The following EML4 variants were observed in gnomAD, a reference collection of about 807,000 sequenced individuals.
EML4 encodes the protein EMAP like 4, also known as echinoderm microtubule-associated protein-like 4.
Under a neutral mutation model 129.0 loss-of-function variants are expected in EML4, and 72 were observed. The observed-to-expected ratio is 0.56, with a 90% CI of 0.46 to 0.68. The LOEUF is 0.68. Among genes scored for constraint, EML4 ranks in the 30% least tolerant of loss-of-function variants. The probability of loss-of-function intolerance (pLI) is 0.00; values close to 1 mark genes in which losing one functional copy is unlikely to be tolerated. For synonymous variants in EML4, 532 were observed against 405.0 expected (o/e 1.31, Z -3.77); for missense variants, 1,363 against 1,190.6 (o/e 1.14, Z -2.13).
In EML4 at chr2:42,245,534, G is replaced by T; in HGVS notation, c.55G>T (p.Asp19Tyr). ...DDSISAASTS[D>Y]VQDRLSALES... ...TAGTATTTCTGCTGCAAGTACTTCT[G>T]ATGTTCAAGATCGCCTGTCAGCTCT... Residue 19 changes from aspartate (D) to tyrosine (Y), a missense_variant, in exon 2 of 23, where the codon GAT becomes TAT. Asp to Tyr is a radical substitution (Grantham distance 160, BLOSUM62 -3). Transcript: ENST00000318522. The T allele has an allele frequency of 6.2e-7, 1 of 1,613,384 alleles. No homozygotes were observed. Among genetic ancestry groups the T allele is most frequent in the Non-Finnish European group, 8.5e-7 (1 of 1,179,608 alleles).
At chr2:42,192,514 A>G (rs1165400382) in intron 1 of EML4, among the ~76,000 whole-genome samples, 2 of 152,100 alleles carry the variant, frequency 1.3e-5, no homozygotes, top group Admixed American at 6.5e-5. Flanking sequence ...TACTGGGATT[A>G]CAGGCATCAG....
intron 13 of EML4, among the ~76,000 whole-genome samples, chr2:42,298,273 T>G (rs1285816927): frequency 6.6e-6 from 1 of 152,208 alleles, no homozygotes; most frequent in Non-Finnish European, 1.5e-5. Flanking sequence ...ACATCTTTAT[T>G]TGGCAGGCAG....
At chr2:42,212,490 C>T (rs1415561622) in intron 1 of EML4, among the ~76,000 whole-genome samples, 1 of 151,374 alleles carries the variant, frequency 6.6e-6, no homozygotes, top group Non-Finnish European at 1.5e-5. Flanking sequence ...TTTTTTTTAG[C>T]AATACATGTT....
chr2:42,246,446 T>C (rs939237153), intron 2 of EML4, among the ~76,000 whole-genome samples: 26 of 152,330 alleles, frequency 1.7e-4, no homozygotes, highest in Middle Eastern at 6.8e-3. Context: ...GCCTTCCTAC[T>C]TCGATGTCAA....
Position 42,245,657 on chromosome 2 carries a change from G to A in EML4, c.178G>A (p.Ala60Thr), listed in dbSNP as rs754703198. 2.5e-6 allele frequency: 4 copies of A among 1,610,972 alleles called. No homozygotes were observed. The highest frequency in any genetic ancestry group is 3.4e-6 in the Non-Finnish European group (4 of 1,178,540). Residue 60 changes from alanine to threonine, a missense_variant, in exon 2 of 23, where the codon GCC (alanine) becomes ACC (threonine). Coordinates refer to ENST00000318522, the MANE Select transcript of EML4 (RefSeq NM_019063.5). ...RRLAISEDHV[A>T]SVKKSVSSKG... ...TCTTGCAATCTCTGAAGATCATGTG[G>A]CCTCAGTGAAAAAATCAGTCTCAAG...
At chr2:42,326,607 C>T (rs991512403) in intron 21 of EML4, among the ~76,000 whole-genome samples, 10 of 152,148 alleles carry the variant, frequency 6.6e-5, no homozygotes, top group Non-Finnish European at 1.2e-4. Context: ...TCAGGCTGGG[C>T]GCAGTGGCTC....
At chr2:42,263,821 C>T (rs1190622060) in intron 5 of EML4, among the ~76,000 whole-genome samples, 3 of 152,144 alleles carry the variant, frequency 2.0e-5, no homozygotes, top group East Asian at 3.9e-4. Flanking sequence ...CCTCCGCCTC[C>T]CAGGTGCAAG....
At chr2:42,274,120 A>G (rs556301463) in intron 6 of EML4, among the ~76,000 whole-genome samples, 1 of 152,332 alleles carries the variant, frequency 6.6e-6, no homozygotes, top group East Asian at 1.9e-4. Context: ...AGAGACTGAT[A>G]GTATCAGAAA....
chr2:42,190,740 A>C (rs1381403755), intron 1 of EML4, among the ~76,000 whole-genome samples: 3 of 152,200 alleles, frequency 2.0e-5, no homozygotes, highest in African/African-American at 7.2e-5. Flanking sequence ...CTTTCTGTAA[A>C]GGCAGCTTCT....
chr2:42,315,798 G>C (rs966400297), intron 17 of EML4, among the ~76,000 whole-genome samples, 164 bp from the exon 18 acceptor site: 8 of 152,120 alleles, frequency 5.3e-5, no homozygotes, highest in Non-Finnish European at 1.2e-4. Context: ...TGGGAGGATA[G>C]TGTGAGCCCA....
intron 2 of EML4, among the ~76,000 whole-genome samples, chr2:42,251,111 C>T (rs965115950): frequency 4.6e-5 from 7 of 152,218 alleles, no homozygotes; most frequent in African/African-American, 1.7e-4. Flanking sequence ...GGCTTCTCAC[C>T]TCCTGCTGTC....
chr2:42,303,041 G>A (rs553735034), intron 14 of EML4, 63 bp from the exon 15 acceptor site: 1 of 1,534,538 alleles, frequency 6.5e-7, no homozygotes, highest in East Asian at 2.3e-5. Context: ...TATAAATGCA[G>A]GCTTCGAGTA....
intron 19 of EML4, among the ~76,000 whole-genome samples, chr2:42,320,330 A>T (rs967363357): frequency 3.6e-5 from 5 of 138,392 alleles, no homozygotes; most frequent in East Asian, 2.0e-4. Context: ...CTGTATTTTA[A>T]AAAAAAAAAA....
chr2:42,251,780 C>A (rs1323035039), intron 2 of EML4, among the ~76,000 whole-genome samples: 1 of 152,160 alleles, frequency 6.6e-6, no homozygotes, highest in Non-Finnish European at 1.5e-5. Context: ...AAACTGTAAC[C>A]ATCTTAAAGG....
At chr2:42,243,064 T>TGCCTTGTCCA (rs1675146037) in intron 1 of EML4, among the ~76,000 whole-genome samples, 1 of 152,158 alleles carries the variant, frequency 6.6e-6, no homozygotes. Flanking sequence ...AGTCGTGACC[T>TGCCTTGTCCA]GCCTTGTCCA....
intron 1 of EML4, among the ~76,000 whole-genome samples, chr2:42,195,810 A>G (rs969110787): frequency 2.6e-5 from 4 of 152,320 alleles, no homozygotes; most frequent in African/African-American, 9.6e-5. Flanking sequence ...ATGGAAATGG[A>G]GCATCAGGTT....
chr2:42,317,776 A>T (rs1044027551), intron 19 of EML4, among the ~76,000 whole-genome samples: 2 of 152,206 alleles, frequency 1.3e-5, no homozygotes, highest in Non-Finnish European at 2.9e-5. Context: ...TCTTAAAGCT[A>T]TTTCCATAGG....
chr2:42,268,068 A>G (rs1022826982), intron 6 of EML4, among the ~76,000 whole-genome samples: 2 of 152,206 alleles, frequency 1.3e-5, no homozygotes, highest in Non-Finnish European at 2.9e-5. Context: ...TTTCTAATAA[A>G]CAAAATGATA....
intron 1 of EML4, among the ~76,000 whole-genome samples, chr2:42,199,016 G>A (rs758952403): frequency 6.6e-6 from 1 of 152,190 alleles, no homozygotes; most frequent in Non-Finnish European, 1.5e-5. Context: ...TATGTATCTT[G>A]GGGGTTTAGG....
Sources: allele counts gnomAD v4.1 joint callset (sites outside exome capture counted in the v4.1 genomes callset), GRCh38; gene constraint gnomAD v4.1.1; transcripts MANE v1.5; gene names NCBI Gene and HGNC (gene_info 2026-07-23, HGNC 2026-07-21).